APCDD1L: variants seen among roughly 807,000 people sequenced by gnomAD.
APCDD1L encodes protein APCDD1-like.
Under a neutral mutation model 24.2 loss-of-function variants are expected in APCDD1L, and 21 were observed. The ratio of observed to expected loss-of-function variants is 0.87; its 90% CI spans 0.61 to 1.25. The LOEUF (loss-of-function observed/expected upper bound fraction) is 1.25, where lower values mean the gene tolerates loss of function less well. Among genes scored for constraint, APCDD1L ranks in the 50% most tolerant of loss-of-function variants. The pLI is 0.00. For synonymous variants in APCDD1L, 321 were observed against 323.6 expected (o/e 0.99, Z 0.09); for missense variants, 704 against 711.7 (o/e 0.99, Z 0.12).
intron 1 of APCDD1L, among the ~76,000 whole-genome samples, chr20:58,511,492 T>A (rs1990626618): frequency 6.6e-6 from 1 of 152,236 alleles, no homozygotes; most frequent in Non-Finnish European, 1.5e-5. Flanking sequence ...CTAACTGCTT[T>A]GCCATCCAGA....
At chr20:58,480,570 G>A (rs1026762888) in intron 1 of APCDD1L, among the ~76,000 whole-genome samples, 2 of 152,172 alleles carry the variant, frequency 1.3e-5, no homozygotes, top group African/African-American at 4.8e-5. Context: ...AATGGAAAAC[G>A]CTGCGTATGA....
chr20:58,495,039 G>A (rs1300500637), intron 1 of APCDD1L, among the ~76,000 whole-genome samples: 1 of 152,160 alleles, frequency 6.6e-6, no homozygotes. Context: ...ATAAACAATA[G>A]TGGGTCACTG....
chr20:58,490,952 A>G (rs1263095705), intron 1 of APCDD1L, among the ~76,000 whole-genome samples: 2 of 152,270 alleles, frequency 1.3e-5, no homozygotes, highest in Admixed American at 6.5e-5. Context: ...TGTTGGGTCT[A>G]TCCTAATAAT....
chr20:58,499,262 C>A (rs552289615), intron 1 of APCDD1L, among the ~76,000 whole-genome samples: 3 of 152,258 alleles, frequency 2.0e-5, no homozygotes, highest in Admixed American at 1.3e-4. Context: ...ACTGGCCACA[C>A]CTAGCTGCAA....
At position 58,467,551 on chromosome 20, in the gene APCDD1L, T is replaced by C; in HGVS notation, c.296A>G (p.Glu99Gly). 6.3e-7 allele frequency: 1 copy of C among 1,585,262 alleles called. No individual in the cohort carries two copies. Among genetic ancestry groups the C allele is most frequent in the Non-Finnish European group, 8.6e-7 (1 of 1,165,876 alleles). Residue 99 changes from glutamate to glycine, a missense_variant, in exon 3 of 4, where the codon GAA becomes GGA. Physicochemically the swap from Glu to Gly is moderately conservative, Grantham distance 98. Coordinates refer to ENST00000371149, the MANE Select transcript of APCDD1L (RefSeq NM_153360.3). The surrounding 1 kb of genome is among the most constrained non-coding windows in gnomAD (Gnocchi z 5.9). ...QFYYEDPFCG[E>G]PAHSLLVKGK... ...CTTGACGAGCAGCGAGTGGGCAGGTTCCCCGCAGAAGGGGTCCTCGTAGTA... is the reference window on the plus strand; with the variant it reads ...CTTGACGAGCAGCGAGTGGGCAGGTCCCCCGCAGAAGGGGTCCTCGTAGTA...
At chr20:58,500,549 G>A (rs1436827077) in intron 1 of APCDD1L, among the ~76,000 whole-genome samples, 1 of 152,168 alleles carries the variant, frequency 6.6e-6, no homozygotes, top group African/African-American at 2.4e-5. Context: ...AGCTTCACAA[G>A]CTACTTGCCA....
chr20:58,462,526 T>C (rs1236362819), intron 3 of APCDD1L, among the ~76,000 whole-genome samples: 5 of 152,176 alleles, frequency 3.3e-5, no homozygotes, highest in Non-Finnish European at 7.3e-5. Context: ...AAAGTGGATA[T>C]GGCAACAAGG....
At chr20:58,472,121 A>G (rs2123143559) in intron 1 of APCDD1L, among the ~76,000 whole-genome samples, 1 of 152,262 alleles carries the variant, frequency 6.6e-6, no homozygotes, top group Middle Eastern at 3.4e-3. Flanking sequence ...GTATTTGAGG[A>G]AAATGAGGCA....
rs1240540192 is a variant in APCDD1L, at chr20:58,494,515, T to TG, written c.49+20143_49+20144insC. Among the ~76,000 whole-genome samples the TG allele has an allele frequency of 1.3e-5, 2 of 151,152 alleles. No individual in the cohort carries two copies. Among genetic ancestry groups the TG allele is most frequent in the Non-Finnish European group, 3.0e-5 (2 of 67,778 alleles). On this transcript the variant is annotated intron_variant, in intron 1 of 3. Transcript: ENST00000371149. This position sits in a 1 kb window ranked among gnomAD's most constrained non-coding sequence, Gnocchi z 4.8. ...CACACTCAGCTAATTTTTAATTTTT[T>TG]TTTTGGTAGAGATGGGGTCTGGCTA...
Position 58,494,683 on chromosome 20 carries a change from T to C in APCDD1L, c.49+19976A>G, listed in dbSNP as rs144554716. ...ATACATATACTTTGTAGTCCTCAAA[T>C]ATCTAATAAAAATGCACATTTGATC... On this transcript the variant is annotated intron_variant, in intron 1 of 3. Transcript: ENST00000371149. The surrounding 1 kb of genome is among the most constrained non-coding windows in gnomAD (Gnocchi z 4.8). Among the ~76,000 whole-genome samples, 1 of 152,224 alleles carries C rather than the reference T, an allele frequency of 6.6e-6. No individual in the cohort carries two copies. The highest frequency in any genetic ancestry group is 2.4e-5 in the African/African-American group (1 of 41,514).
chr20:58,506,622 G>A (rs73915898), intron 1 of APCDD1L, among the ~76,000 whole-genome samples: 2,572 of 152,310 alleles, frequency 0.017, 66 homozygotes, highest in African/African-American at 0.057. Context: ...ATTGAATTCC[G>A]GAGCCCAGCC....
intron 1 of APCDD1L, among the ~76,000 whole-genome samples, chr20:58,513,642 G>T (rs1053160121): frequency 6.6e-6 from 1 of 152,214 alleles, no homozygotes; most frequent in Non-Finnish European, 1.5e-5. Context: ...TCTTCACCCC[G>T]GGGTTCTCGG....
rs1188970464 is a variant in APCDD1L at position 58,497,119 on chromosome 20, G to A, written c.49+17540C>T. 6.6e-6 allele frequency among the ~76,000 whole-genome samples: 1 copy of A among 151,970 alleles called. No individual in the cohort carries two copies. Among genetic ancestry groups the A allele is most frequent in the South Asian group, 2.1e-4 (1 of 4,792 alleles). On this transcript the variant is annotated intron_variant, in intron 1 of 3. Transcript: ENST00000371149. This position sits in a 1 kb window ranked among gnomAD's most constrained non-coding sequence, Gnocchi z 4.3. ...GAAAGACAGGGCTCCAGGGTCAGCAGCGTGGACACCAGAGGTCACAAGATG... is the reference window on the plus strand; with the variant it reads ...GAAAGACAGGGCTCCAGGGTCAGCAACGTGGACACCAGAGGTCACAAGATG...
Position 58,461,807 on chromosome 20 carries a change from T to G in APCDD1L, c.742-253A>C. 7.8e-6 allele frequency: 3 copies of G among 386,154 alleles called. No individual in the cohort carries two copies. The highest frequency in any genetic ancestry group is 4.6e-6 in the Non-Finnish European group (1 of 219,010). The allele number at this position is 386,154 out of a possible 1,614,324, so 23.9% of individuals were successfully genotyped here. A position where few individuals can be genotyped will look rare whatever the true frequency, so the allele number is the denominator to read the frequency against. ...CTCCTGCTGTCTCTTCCACCTGGAA[T>G]TCCCCGCCAGCTCCTTCTTACCTCT... On this transcript the variant is annotated intron_variant, in intron 3 of 3. Transcript: ENST00000371149. The surrounding 1 kb of genome is among the most constrained non-coding windows in gnomAD (Gnocchi z 6.0).
chr20:58,462,830 C>T (rs1227823419), intron 3 of APCDD1L, among the ~76,000 whole-genome samples: 7 of 143,112 alleles, frequency 4.9e-5, no homozygotes, highest in East Asian at 2.1e-4. Flanking sequence ...GGGGACAGAG[C>T]GAGACACCAT....
rs984935980 is a variant in APCDD1L at position 58,494,825 on chromosome 20, G to A, written c.49+19834C>T. On this transcript the variant is annotated intron_variant, in intron 1 of 3. Coordinates refer to ENST00000371149, the MANE Select transcript of APCDD1L (RefSeq NM_153360.3). The surrounding 1 kb of genome is among the most constrained non-coding windows in gnomAD (Gnocchi z 4.8). The stretch of plus-strand genomic sequence containing the variant: ...TTCTGCACCCACTGAGCGCCTGGCA[G>A]TCCCTTGGCCACACCCCACTTGTAC... Among the ~76,000 whole-genome samples the A allele has an allele frequency of 2.0e-5, 3 of 152,174 alleles. No individual in the cohort carries two copies. Among genetic ancestry groups the A allele is most frequent in the Non-Finnish European group, 4.4e-5 (3 of 68,028 alleles).
At position 58,461,380 on chromosome 20, in the gene APCDD1L, C is replaced by G. The variant is rs147731470; in HGVS notation, c.916G>C (p.Gly306Arg). Reference protein sequence around the residue: ...LFLTRLFTFHGHSRSWEGYYH... With the variant: ...LFLTRLFTFHRHSRSWEGYYH... ...TACCCTTCCCAGGAGCGGCTGTGCCCGTGGAAAGTGAAGAGCCGGGTGAGG... is the reference window on the plus strand; with the variant it reads ...TACCCTTCCCAGGAGCGGCTGTGCCGGTGGAAAGTGAAGAGCCGGGTGAGG... The change falls in exon 4 of 4, where the codon GGG becomes CGG. Residue 306 changes from glycine (G) to arginine (R), a missense_variant. Gly to Arg is a moderately radical substitution (Grantham distance 125). Coordinates refer to ENST00000371149, the MANE Select transcript of APCDD1L (RefSeq NM_153360.3). The surrounding 1 kb of genome is among the most constrained non-coding windows in gnomAD (Gnocchi z 6.0). 1 of 1,560,840 alleles carries G rather than the reference C, an allele frequency of 6.4e-7. No homozygotes were observed.
chr20:58,468,185 T>C (rs1271107015), intron 2 of APCDD1L, among the ~76,000 whole-genome samples: 1 of 151,978 alleles, frequency 6.6e-6, no homozygotes, highest in Non-Finnish European at 1.5e-5. Flanking sequence ...GTAATAAATA[T>C]TTTTGTTTTG....
At chr20:58,480,540 G>A (rs1990004388) in intron 1 of APCDD1L, among the ~76,000 whole-genome samples, 1 of 152,174 alleles carries the variant, frequency 6.6e-6, no homozygotes, top group Non-Finnish European at 1.5e-5. Context: ...TCATGTTTGT[G>A]TGACATGTGC....
Sources: gnomAD v4.1 joint callset for allele counts (sites outside exome capture counted in the v4.1 genomes callset) on GRCh38, gnomAD v4.1.1 for gene constraint, Gnocchi (gnomAD v3.1) non-coding constraint, MANE v1.5 for transcripts, NCBI Gene and HGNC (gene_info 2026-07-23, HGNC 2026-07-21) for gene names.